Variants in COL5A2 observed in about 807,000 individuals in gnomAD.
COL5A2 encodes collagen type V alpha 2 chain, also known as collagen alpha-2(V) chain.
COL5A2 carries 23 observed loss-of-function variants against 208.2 expected under a neutral mutation model. The ratio of observed to expected loss-of-function variants is 0.11; its 90% CI spans 0.08 to 0.16. The LOEUF is 0.16. Ranked by LOEUF, COL5A2 falls within the 10% of genes least tolerant of loss-of-function variation. The probability of loss-of-function intolerance (pLI) is 1.00; values close to 1 mark genes in which losing one functional copy is unlikely to be tolerated. For synonymous variants in COL5A2, 625 were observed against 628.5 expected (o/e 0.99, Z 0.08); for missense variants, 1,590 against 1,956.4 (o/e 0.81, Z 3.53).
chr2:189,052,045 A>T, intron 41 of COL5A2, 127 bp downstream of exon 41: 1 of 744,032 alleles, frequency 1.3e-6, no homozygotes, highest in East Asian at 2.9e-5. Flanking sequence ...GCATTATTGG[A>T]ATAAGAGTTG....
upstream of COL5A2, among the ~76,000 whole-genome samples, chr2:189,227,973 T>C (rs1176040126): frequency 6.6e-6 from 1 of 151,982 alleles, no homozygotes; most frequent in Non-Finnish European, 1.5e-5. Flanking sequence ...TGAAATCATA[T>C]AGGTATCTCT....
At chr2:189,120,866 A>G (rs1687486320) in intron 1 of COL5A2, among the ~76,000 whole-genome samples, 1 of 152,248 alleles carries the variant, frequency 6.6e-6, no homozygotes, top group Admixed American at 6.5e-5. Flanking sequence ...CATAAAATAA[A>G]TACACTTATT....
chr2:189,065,190 T>C, intron 23 of COL5A2, 133 bp from the exon 24 acceptor site: 5 of 803,028 alleles, frequency 6.2e-6, no homozygotes, highest in South Asian at 1.5e-5. Context: ...TAGATATGCA[T>C]GAGAAAAATC....
intron 5 of COL5A2, among the ~76,000 whole-genome samples, chr2:189,098,399 T>C (rs1271999984): frequency 6.6e-6 from 1 of 152,260 alleles, no homozygotes; most frequent in Non-Finnish European, 1.5e-5. Flanking sequence ...CCATTAATCA[T>C]AGTCAAACAA....
the COL5A2 span, among the ~76,000 whole-genome samples, chr2:189,367,927 CA>C: frequency 2.0e-5 from 3 of 152,108 alleles, no homozygotes; most frequent in Non-Finnish European, 4.4e-5. Context: ...GGATAGGTCC[CA>C]TTTTTAAGCA....
chr2:189,084,628 G>C (rs1185199874), intron 11 of COL5A2, among the ~76,000 whole-genome samples: 3 of 152,276 alleles, frequency 2.0e-5, no homozygotes, highest in African/African-American at 7.2e-5. Flanking sequence ...ATCTAGAAAT[G>C]TAAGTCTGCT....
chr2:189,184,498 G>C (rs781541392), upstream of COL5A2, among the ~76,000 whole-genome samples: 1 of 152,146 alleles, frequency 6.6e-6, no homozygotes, highest in Non-Finnish European at 1.5e-5. Context: ...CCTTTTTGGG[G>C]TGCTTGGGGA....
At chr2:189,356,678 C>T in the COL5A2 span, among the ~76,000 whole-genome samples, 2 of 152,176 alleles carry the variant, frequency 1.3e-5, no homozygotes, top group Non-Finnish European at 2.9e-5. Context: ...TGGGTTAGAA[C>T]ATGCTCCTTT....
the COL5A2 span, among the ~76,000 whole-genome samples, chr2:189,334,749 G>T: frequency 6.6e-6 from 1 of 151,826 alleles, no homozygotes; most frequent in Non-Finnish European, 1.5e-5. Flanking sequence ...TGTATTGAAC[G>T]ACAAAGTATT....
chr2:189,284,408 A>G, the COL5A2 span, among the ~76,000 whole-genome samples: 1 of 152,168 alleles, frequency 6.6e-6, no homozygotes, highest in African/African-American at 2.4e-5. Context: ...GGGAGGCCTC[A>G]GGAAACTTAC....
In COL5A2 at chr2:189,035,090, T is replaced by C. The variant is rs200888890; in HGVS notation, c.4179A>G (p.Leu1393=). ...TGATGTTCTGGGAGGCTTCTTTTGA[T>C]AAAAGGCGCAAAAAAGTCATCTGAG... The part of the protein sequence containing the change: ...AITQMTFLRL[L]SKEASQNITY... The change falls in exon 53 of 54, where the codon TTA becomes TTG. Residue 1393 remains leucine (L), a synonymous_variant. Coordinates refer to ENST00000374866, the MANE Select transcript of COL5A2 (RefSeq NM_000393.5). 13 of 1,613,768 alleles carry C rather than the reference T, an allele frequency of 8.1e-6. No individual in the cohort carries two copies. The highest frequency in any genetic ancestry group is 1.7e-5 in the Admixed American group (1 of 59,976).
At chr2:189,245,689 T>A in the COL5A2 span, among the ~76,000 whole-genome samples, 3 of 152,100 alleles carry the variant, frequency 2.0e-5, no homozygotes, top group Non-Finnish European at 4.4e-5. Flanking sequence ...GGTTTCACTG[T>A]GGTCTCGATC....
At chr2:189,325,160 C>T in the COL5A2 span, among the ~76,000 whole-genome samples, 5 of 151,706 alleles carry the variant, frequency 3.3e-5, no homozygotes, top group East Asian at 5.8e-4. Context: ...CACACTGGGG[C>T]CTGTTGTGGG....
At chr2:189,358,931 A>G in the COL5A2 span, among the ~76,000 whole-genome samples, 66 of 152,018 alleles carry the variant, frequency 4.3e-4, 1 homozygote, top group African/African-American at 1.5e-3. Flanking sequence ...GTAACCTGCA[A>G]TTTTGCTAAA....
At chr2:189,260,712 A>C in the COL5A2 span, among the ~76,000 whole-genome samples, 1 of 152,222 alleles carries the variant, frequency 6.6e-6, no homozygotes, top group South Asian at 2.1e-4. Flanking sequence ...AGGTAAAAGA[A>C]GGAAAGAAAG....
chr2:189,062,835 C>T, intron 29 of COL5A2, 30 bp downstream of exon 29: 4 of 1,612,246 alleles, frequency 2.5e-6, no homozygotes, highest in Non-Finnish European at 3.4e-6. Flanking sequence ...TATATATATT[C>T]TCACACACAC....
At chr2:189,134,446 A>G (rs1020436709) in intron 1 of COL5A2, among the ~76,000 whole-genome samples, 1 of 152,078 alleles carries the variant, frequency 6.6e-6, no homozygotes, top group African/African-American at 2.4e-5. Context: ...AAAATTAGCC[A>G]GGTGTGGTGG....
chr2:189,147,456 AGAGAATAACTATC>A (rs1201084602), intron 1 of COL5A2, among the ~76,000 whole-genome samples: 1 of 152,142 alleles, frequency 6.6e-6, no homozygotes, highest in African/African-American at 2.4e-5. Flanking sequence ...GTTACAAAGG[AGAGAATAACTATC>A]TTCTTAACAC....
At chr2:189,183,792 A>G (rs1336289126), upstream of COL5A2, among the ~76,000 whole-genome samples, 1 of 152,162 alleles carries the variant, frequency 6.6e-6, no homozygotes, top group African/African-American at 2.4e-5. Flanking sequence ...AGATAATAAT[A>G]ATAATGCATG....
Sources: gnomAD v4.1 joint callset for allele counts (sites outside exome capture counted in the v4.1 genomes callset) on GRCh38, gnomAD v4.1.1 for gene constraint, MANE v1.5 for transcripts, NCBI Gene and HGNC (gene_info 2026-07-23, HGNC 2026-07-21) for gene names.